Variants in KDM2A observed in about 807,000 individuals in gnomAD.
KDM2A encodes lysine demethylase 2A.
Under a neutral mutation model 137.3 loss-of-function variants are expected in KDM2A, and 3 were observed. The ratio of observed to expected loss-of-function variants is 0.02; its 90% confidence interval spans 0.01 to 0.06. The LOEUF is 0.06. Among genes scored for constraint, KDM2A ranks in the 10% least tolerant of loss-of-function variants. The pLI, the probability that KDM2A is intolerant of heterozygous loss-of-function variation, is 1.00. For synonymous variants in KDM2A, 512 were observed against 541.5 expected (o/e 0.95, Z 0.76); for missense variants, 738 against 1,510.6 (o/e 0.49, Z 8.48).
intron 5 of KDM2A, among the ~76,000 whole-genome samples, chr11:67,186,371 C>G (rs1382599882): frequency 6.6e-6 from 1 of 152,116 alleles, no homozygotes; most frequent in Non-Finnish European, 1.5e-5. Context: ...AAAAGGAAAA[C>G]AAAACAAAAC....
intron 2 of KDM2A, among the ~76,000 whole-genome samples, chr11:67,152,864 T>A (rs1003694126): frequency 2.6e-5 from 4 of 151,672 alleles, no homozygotes; most frequent in Non-Finnish European, 5.9e-5. Context: ...AAAGCATTTT[T>A]AATTTTATAT....
At chr11:67,151,394 T>C (rs992361449) in intron 2 of KDM2A, among the ~76,000 whole-genome samples, 1 of 152,140 alleles carries the variant, frequency 6.6e-6, no homozygotes, top group Non-Finnish European at 1.5e-5. Context: ...TATTATTTTA[T>C]TTTGAGACAG....
chr11:67,123,772 G>A (rs576757680), intron 2 of KDM2A, among the ~76,000 whole-genome samples: 5 of 152,148 alleles, frequency 3.3e-5, no homozygotes, highest in Non-Finnish European at 7.4e-5. Context: ...TTCCTCCTGG[G>A]TTCAAGTGAT....
intron 2 of KDM2A, among the ~76,000 whole-genome samples, chr11:67,168,172 G>C (rs1856788476): frequency 6.6e-6 from 1 of 152,066 alleles, no homozygotes; most frequent in African/African-American, 2.4e-5. Flanking sequence ...AGTAAGTGAA[G>C]AGAAACCCCC....
intron 12 of KDM2A, among the ~76,000 whole-genome samples, chr11:67,237,422 A>G (rs1264835994): frequency 6.6e-6 from 1 of 151,570 alleles, no homozygotes; most frequent in Non-Finnish European, 1.5e-5. Flanking sequence ...CCAGATTTTT[A>G]AATGTTTTTA....
At chr11:67,174,552 C>G (rs900603736) in intron 2 of KDM2A, among the ~76,000 whole-genome samples, 2 of 152,092 alleles carry the variant, frequency 1.3e-5, no homozygotes, top group African/African-American at 2.4e-5. Flanking sequence ...CATATTTCTT[C>G]TGCTCACCAC....
chr11:67,207,631 C>A lies in KDM2A; in HGVS notation c.429C>A (p.Val143=), dbSNP rs754160351. ...PEEEREKLYN[V]ISLEFSHTRL... is the part of the protein sequence containing the mutation. ...AGGAGCGAGAGAAACTCTATAATGT[C>A]ATCAGCCTCGAGTTTAGCCACACCA... The change falls in exon 6 of 21, where the codon GTC becomes GTA. Residue 143 remains valine (V), a synonymous_variant. Transcript: ENST00000529006. 3 of 1,613,522 alleles carry A rather than the reference C, an allele frequency of 1.9e-6. No homozygotes were observed. The highest frequency in any genetic ancestry group is 1.7e-5 in the Admixed American group (1 of 59,958).
chr11:67,189,165 A>G (rs1476094666), intron 5 of KDM2A, among the ~76,000 whole-genome samples: 2 of 152,250 alleles, frequency 1.3e-5, no homozygotes, highest in Non-Finnish European at 2.9e-5. Flanking sequence ...ATGTTAGGCT[A>G]CAGATTAAAT....
intron 2 of KDM2A, among the ~76,000 whole-genome samples, chr11:67,174,325 C>G (rs1856936138): frequency 6.6e-6 from 1 of 152,188 alleles, no homozygotes; most frequent in Non-Finnish European, 1.5e-5. Flanking sequence ...CTGGATAACT[C>G]AGACATATTG....
intron 11 of KDM2A, among the ~76,000 whole-genome samples, chr11:67,230,106 G>A (rs959753190): frequency 1.3e-5 from 2 of 151,554 alleles, no homozygotes; most frequent in Admixed American, 6.6e-5. Context: ...AACCCAGAAG[G>A]TGGAGCTTGC....
intron 2 of KDM2A, among the ~76,000 whole-genome samples, chr11:67,157,129 C>T (rs917522303): frequency 3.3e-4 from 50 of 151,718 alleles, no homozygotes; most frequent in Admixed American, 1.7e-3. Flanking sequence ...CTGGCTAACA[C>T]GGTGAAACCC....
intron 2 of KDM2A, among the ~76,000 whole-genome samples, chr11:67,162,385 A>G (rs959958684): frequency 6.6e-6 from 1 of 152,066 alleles, no homozygotes; most frequent in African/African-American, 2.4e-5. Context: ...AGGAAAGTAG[A>G]TATGATTTTT....
chr11:67,138,650 G>A (rs974944719), intron 2 of KDM2A, among the ~76,000 whole-genome samples: 3 of 152,140 alleles, frequency 2.0e-5, no homozygotes, highest in Admixed American at 2.0e-4. Flanking sequence ...GTGTGGTGGT[G>A]TGCACCTGTA....
intron 2 of KDM2A, among the ~76,000 whole-genome samples, chr11:67,142,077 C>G (rs539444712): frequency 6.6e-6 from 1 of 152,028 alleles, no homozygotes; most frequent in East Asian, 2.0e-4. Flanking sequence ...CTTGCTGTGT[C>G]GTCCAGGCTG....
intron 5 of KDM2A, among the ~76,000 whole-genome samples, chr11:67,195,036 G>A (rs1057258240): frequency 6.6e-6 from 1 of 152,092 alleles, no homozygotes; most frequent in Non-Finnish European, 1.5e-5. Flanking sequence ...TTCAAACAGT[G>A]TAGAATATAT....
chr11:67,252,535 C>G (rs1164071860), intron 17 of KDM2A, 159 bp from the exon 18 acceptor site: 1 of 781,892 alleles, frequency 1.3e-6, no homozygotes, highest in African/African-American at 1.7e-5. Flanking sequence ...AATTTTTTGC[C>G]TATTCTGTGA....
At chr11:67,220,768 A>G (rs1490770510) in intron 10 of KDM2A, among the ~76,000 whole-genome samples, 1 of 152,162 alleles carries the variant, frequency 6.6e-6, no homozygotes, top group Non-Finnish European at 1.5e-5. Flanking sequence ...ACCTTGTAGC[A>G]TGAAATACTT....
intron 2 of KDM2A, among the ~76,000 whole-genome samples, chr11:67,168,545 TAC>T (rs34544708): frequency 0.18 from 19,845 of 109,854 alleles, 5,731 homozygotes; most frequent in African/African-American, 0.59. Context: ...TGAATTATAA[TAC>T]ACACACACAC....
intron 2 of KDM2A, among the ~76,000 whole-genome samples, chr11:67,158,029 A>G (rs1856557239): frequency 6.6e-6 from 1 of 152,116 alleles, no homozygotes; most frequent in Non-Finnish European, 1.5e-5. Context: ...AGTTTTGACA[A>G]ATTATCCACC....
Sources: gnomAD v4.1 joint callset for allele counts (sites outside exome capture counted in the v4.1 genomes callset) on GRCh38, gnomAD v4.1.1 for gene constraint, MANE v1.5 for transcripts, NCBI Gene and HGNC (gene_info 2026-07-23, HGNC 2026-07-21) for gene names.